Variants in WDR93 observed in about 807,000 individuals in gnomAD.
WDR93 encodes the protein WD repeat-containing protein 93.
Under a neutral mutation model 82.9 loss-of-function variants are expected in WDR93, and 73 were observed. That is an observed-to-expected ratio of 0.88 (90% CI 0.73 to 1.07). The LOEUF is 1.07. WDR93 is among the 50% of genes least tolerant of loss of function. The pLI is 0.00. For missense variants in WDR93, 738 were observed against 826.0 expected (o/e 0.89, Z 1.31); for synonymous variants, 283 against 300.1 (o/e 0.94, Z 0.59).
chr15:89,739,009 G>T (rs930962025), intron 16 of WDR93, among the ~76,000 whole-genome samples: 1 of 151,886 alleles, frequency 6.6e-6, no homozygotes, highest in Non-Finnish European at 1.5e-5. Flanking sequence ...AGCTACTCTG[G>T]AGGCTGAGGT....
chr15:89,704,837 G>C (rs1965654382), intron 3 of WDR93: 1 of 152,356 alleles, frequency 6.6e-6, no homozygotes, highest in Non-Finnish European at 1.5e-5. Context: ...AAGGTAGACT[G>C]TCTTGGTGTC....
rs150558080 is a variant in WDR93, at chr15:89,701,854, C to T, written c.108C>T (p.Asp36=). ...CAACAGAGAAGGACTGGCCTAAAGA[C>T]GATGAACAGGATCATGTCCTCGTGG... is the stretch of plus-strand genomic sequence containing the variant. The part of the protein sequence containing the change: ...PPPTEKDWPK[D]DEQDHVLVDP... The change falls in exon 2 of 17, where the codon GAC becomes GAT. Residue 36 remains aspartate (D), a synonymous_variant. Transcript: ENST00000268130. 170 of 1,614,194 alleles carry T rather than the reference C, an allele frequency of 1.1e-4. No individual in the cohort carries two copies. The highest frequency in any genetic ancestry group is 1.4e-4 in the Non-Finnish European group (161 of 1,180,036).
At chr15:89,714,921 C>A in intron 5 of WDR93, 59 bp from the exon 6 acceptor site, 1 of 1,447,250 alleles carries the variant, frequency 6.9e-7, no homozygotes, top group Non-Finnish European at 9.6e-7. Flanking sequence ...GGCCATTTCT[C>A]AGAGGAAACT....
Position 89,729,002 on chromosome 15 carries a change from T to C in WDR93, c.1053-21T>C, listed in dbSNP as rs753849826. ...GCCAGGGAGTCTACATGGCTCTGACTCGTGTGTCTTTCTTTCCCAGTACGG... is the reference window on the plus strand; with the variant it reads ...GCCAGGGAGTCTACATGGCTCTGACCCGTGTGTCTTTCTTTCCCAGTACGG... On this transcript the variant is annotated intron_variant, in intron 9 of 16. Coordinates refer to ENST00000268130, the MANE Select transcript of WDR93 (RefSeq NM_020212.2). 3 of 1,610,022 alleles carry C rather than the reference T, an allele frequency of 1.9e-6. No individual in the cohort carries two copies. The African/African-American group carries it at 4.0e-5, about 22-fold the overall frequency.
intron 3 of WDR93, chr15:89,704,974 G>A (rs1212648051): frequency 6.4e-6 from 1 of 155,498 alleles, no homozygotes; most frequent in Non-Finnish European, 1.4e-5. Flanking sequence ...CAAGTCATAA[G>A]TATGTGGGAG....
intron 1 of WDR93, 46 bp from the exon 2 acceptor site, chr15:89,701,661 A>C: frequency 6.7e-7 from 1 of 1,485,810 alleles, no homozygotes. Context: ...CTATCTTCTC[A>C]TTGCTTCCTT....
chr15:89,733,630 G>C (rs1419839266), intron 13 of WDR93, among the ~76,000 whole-genome samples: 1 of 152,052 alleles, frequency 6.6e-6, no homozygotes, highest in East Asian at 1.9e-4. Flanking sequence ...ATAAGAAAAG[G>C]AAGAGATACC....
At chr15:89,735,984 A>G (rs1386941338) in intron 14 of WDR93, among the ~76,000 whole-genome samples, 1 of 152,172 alleles carries the variant, frequency 6.6e-6, no homozygotes, top group Admixed American at 6.6e-5. Flanking sequence ...AGTATCTGCC[A>G]CATGAGATTG....
intron 16 of WDR93, among the ~76,000 whole-genome samples, chr15:89,741,583 C>A (rs927038275): frequency 1.3e-5 from 2 of 152,066 alleles, no homozygotes; most frequent in African/African-American, 4.8e-5. Context: ...GAGTTAAGGT[C>A]AAAAATATAA....
intron 1 of WDR93, among the ~76,000 whole-genome samples, chr15:89,695,813 C>CTTTTTTTTTT (rs58664153): frequency 1.0e-5 from 1 of 99,312 alleles, no homozygotes; most frequent in African/African-American, 4.1e-5. Flanking sequence ...TCATGCTGTC[C>CTTTTTTTTTT]TTTTTTTTTT....
intron 4 of WDR93, among the ~76,000 whole-genome samples, chr15:89,708,023 AAG>A (rs1390829509): frequency 6.6e-6 from 1 of 152,244 alleles, no homozygotes; most frequent in African/African-American, 2.4e-5. Context: ...TGTTAAGTGA[AAG>A]AAGTCAGATA....
chr15:89,702,818 C>T (rs916244456), intron 2 of WDR93, 132 bp from the exon 3 acceptor site: 34 of 1,015,674 alleles, frequency 3.3e-5, no homozygotes, highest in Non-Finnish European at 4.4e-5. Flanking sequence ...GGATTACAGG[C>T]GTTAGCCACT....
chr15:89,690,694 C>T, upstream of WDR93: 2 of 1,245,410 alleles, frequency 1.6e-6, no homozygotes, highest in Non-Finnish European at 1.1e-6. Context: ...TGGGGCCCGT[C>T]GGATCCCCAG....
intron 7 of WDR93, among the ~76,000 whole-genome samples, chr15:89,721,696 C>A (rs1023751824): frequency 6.6e-6 from 1 of 152,172 alleles, no homozygotes; most frequent in Non-Finnish European, 1.5e-5. Context: ...ACAGTCATAG[C>A]ACATTGCCAC....
upstream of WDR93, chr15:89,690,683 C>T: frequency 7.2e-7 from 1 of 1,379,902 alleles, no homozygotes; most frequent in Non-Finnish European, 1.0e-6. Context: ...CGTGGGTCCT[C>T]TGGGGCCCGT....
chr15:89,710,455 C>T (rs947890095), intron 4 of WDR93, among the ~76,000 whole-genome samples: 4 of 152,148 alleles, frequency 2.6e-5, no homozygotes, highest in East Asian at 1.9e-4. Flanking sequence ...AACAGGCATA[C>T]GGTAACTTTC....
chr15:89,738,626 C>CA (rs34617270), intron 16 of WDR93, among the ~76,000 whole-genome samples: 827 of 81,116 alleles, frequency 0.01, 1 homozygote, highest in East Asian at 0.015. Context: ...GACTCTGTCC[C>CA]AAAAAAAAAA....
intron 7 of WDR93, among the ~76,000 whole-genome samples, 173 bp downstream of exon 7, chr15:89,717,122 C>A (rs1205926864): frequency 7.8e-6 from 1 of 128,774 alleles, no homozygotes; most frequent in Non-Finnish European, 1.5e-5. Flanking sequence ...TGCAATGGAG[C>A]GATCTTGGCT....
chr15:89,708,968 C>A (rs991290547), intron 4 of WDR93, among the ~76,000 whole-genome samples: 4 of 152,352 alleles, frequency 2.6e-5, no homozygotes, highest in Admixed American at 2.0e-4. Flanking sequence ...TGTGGGTACC[C>A]ACATTATTGT....
Sources: allele counts gnomAD v4.1 joint callset (sites outside exome capture counted in the v4.1 genomes callset), GRCh38; gene constraint gnomAD v4.1.1; transcripts MANE v1.5; gene names NCBI Gene and HGNC (gene_info 2026-07-23, HGNC 2026-07-21).